STAG1: variants seen among roughly 807,000 people sequenced by gnomAD.
STAG1 encodes cohesin subunit SA-1.
STAG1 carries 26 observed loss-of-function variants against 170.9 expected under a neutral mutation model. That is an observed-to-expected ratio of 0.15 (90% CI 0.11 to 0.21). The LOEUF (loss-of-function observed/expected upper bound fraction) is 0.21, where lower values mean the gene tolerates loss of function less well. STAG1 is among the 10% of genes least tolerant of loss of function. The pLI is 1.00. For missense variants in STAG1, 964 were observed against 1,509.5 expected, an observed-to-expected ratio of 0.64 and a Z score of 5.99; for synonymous variants, 514 against 497.7, an observed-to-expected ratio of 1.03 and a Z score of -0.44.
At chr3:136,659,696 A>G (rs1941511892) in intron 1 of STAG1, among the ~76,000 whole-genome samples, 1 of 152,232 alleles carries the variant, frequency 6.6e-6, no homozygotes, top group Non-Finnish European at 1.5e-5. Context: ...GAAGTCTATA[A>G]TTAATGACAG....
intron 13 of STAG1, among the ~76,000 whole-genome samples, chr3:136,457,155 G>T (rs1055282768): frequency 1.3e-5 from 2 of 152,102 alleles, no homozygotes; most frequent in Non-Finnish European, 2.9e-5. Context: ...GAACAGCAAA[G>T]TCTGTGCCAA....
At chr3:136,712,536 A>G (rs1943413234) in intron 1 of STAG1, among the ~76,000 whole-genome samples, 1 of 152,218 alleles carries the variant, frequency 6.6e-6, no homozygotes, top group Admixed American at 6.5e-5. Flanking sequence ...AATGGTCAGC[A>G]CTGAGATGCT....
chr3:136,435,243 A>T (rs977591149), intron 15 of STAG1, among the ~76,000 whole-genome samples: 1 of 152,254 alleles, frequency 6.6e-6, no homozygotes, highest in Non-Finnish European at 1.5e-5. Flanking sequence ...AAGCACGATC[A>T]TAAGTGGCTT....
At chr3:136,523,867 CTTGT>C (rs1934835955) in intron 6 of STAG1, among the ~76,000 whole-genome samples, 1 of 152,052 alleles carries the variant, frequency 6.6e-6, no homozygotes, top group African/African-American at 2.4e-5. Flanking sequence ...TTCCCCATTG[CTTGT>C]TTTTCTCAGG....
In STAG1 at chr3:136,605,038, G is replaced by C. The variant is rs1938867755; in HGVS notation, c.133-565C>G. ...TTGCCCCTTCTTGACATTTCCTTCT[G>C]CATACATTCATTGATACTCTCCTAC... On this transcript the variant is annotated intron_variant, in intron 3 of 33. Transcript: ENST00000383202. Among the ~76,000 whole-genome samples the C allele has an allele frequency of 2.0e-5, 3 of 152,004 alleles. No individual in the cohort carries two copies. In the South Asian group the frequency reaches 6.2e-4, roughly 31 times the overall value.
At chr3:136,747,210 T>A (rs946823792) in intron 1 of STAG1, among the ~76,000 whole-genome samples, 1 of 149,674 alleles carries the variant, frequency 6.7e-6, no homozygotes, top group African/African-American at 2.5e-5. Context: ...GAAGCGAAGG[T>A]TGCAGTAAGC....
At chr3:136,683,585 A>T (rs934440989) in intron 1 of STAG1, among the ~76,000 whole-genome samples, 7 of 151,840 alleles carry the variant, frequency 4.6e-5, no homozygotes, top group African/African-American at 1.2e-4. Flanking sequence ...TTTTTTTTTT[A>T]AACTACAGAT....
chr3:136,564,684 T>G (rs902813665), intron 5 of STAG1, among the ~76,000 whole-genome samples: 1 of 151,992 alleles, frequency 6.6e-6, no homozygotes, highest in Non-Finnish European at 1.5e-5. Context: ...TTGTCAAATG[T>G]CTTTTCAGGA....
At chr3:136,717,471 C>G (rs546778485) in intron 1 of STAG1, among the ~76,000 whole-genome samples, 1 of 152,248 alleles carries the variant, frequency 6.6e-6, no homozygotes, top group East Asian at 1.9e-4. Flanking sequence ...TGAGACCAGC[C>G]TGGCCAACAT....
intron 6 of STAG1, among the ~76,000 whole-genome samples, chr3:136,522,985 TG>T (rs1934767033): frequency 6.6e-6 from 1 of 152,212 alleles, no homozygotes; most frequent in South Asian, 2.1e-4. Flanking sequence ...ACATGTGGGT[TG>T]GTTCTAAGTC....
intron 14 of STAG1, among the ~76,000 whole-genome samples, chr3:136,448,331 GAA>G (rs2088843208): frequency 6.6e-6 from 1 of 152,156 alleles, no homozygotes; most frequent in South Asian, 2.1e-4. Context: ...ATTTATAAGG[GAA>G]AGAGATTTAA....
chr3:136,438,016 C>T (rs2088507484), intron 15 of STAG1, among the ~76,000 whole-genome samples: 1 of 152,108 alleles, frequency 6.6e-6, no homozygotes, highest in African/African-American at 2.4e-5. Flanking sequence ...CATCTTATTA[C>T]ATTTAGGATG....
intron 1 of STAG1, among the ~76,000 whole-genome samples, chr3:136,656,077 T>C (rs2107860349): frequency 6.6e-6 from 1 of 152,244 alleles, no homozygotes; most frequent in Admixed American, 6.5e-5. Context: ...GGAGTATTAT[T>C]CAGCCTTAAA....
At chr3:136,739,165 G>GTTCA (rs1347564365) in intron 1 of STAG1, among the ~76,000 whole-genome samples, 4 of 152,150 alleles carry the variant, frequency 2.6e-5, no homozygotes. Flanking sequence ...AACAGCCTAA[G>GTTCA]TTCAAATTCT....
chr3:136,459,476 G>A (rs2089215639), intron 13 of STAG1, among the ~76,000 whole-genome samples: 1 of 152,064 alleles, frequency 6.6e-6, no homozygotes, highest in South Asian at 2.1e-4. Flanking sequence ...AAGAATCAAT[G>A]TTTCCAAAGA....
intron 4 of STAG1, among the ~76,000 whole-genome samples, chr3:136,601,485 G>T (rs1043438455): frequency 1.3e-5 from 2 of 152,096 alleles, no homozygotes; most frequent in East Asian, 3.9e-4. Context: ...CCTGACTACT[G>T]ATCATTATCT....
intron 4 of STAG1, among the ~76,000 whole-genome samples, chr3:136,596,982 CA>C (rs1938454354): frequency 6.6e-6 from 1 of 152,048 alleles, no homozygotes; most frequent in Admixed American, 6.6e-5. Flanking sequence ...GGCTGAGGCA[CA>C]AGAATCACTT....
chr3:136,368,572 G>A (rs1159571045), intron 24 of STAG1, among the ~76,000 whole-genome samples: 1 of 152,064 alleles, frequency 6.6e-6, no homozygotes, highest in Non-Finnish European at 1.5e-5. Flanking sequence ...TGTACATGTG[G>A]CAAATGACAA....
chr3:136,509,227 C>T (rs561755707), intron 7 of STAG1, among the ~76,000 whole-genome samples: 2 of 152,272 alleles, frequency 1.3e-5, no homozygotes, highest in East Asian at 1.9e-4. Flanking sequence ...GATTCTCTTT[C>T]GACTATCCCG....
Sources: gnomAD v4.1 joint callset for allele counts (sites outside exome capture counted in the v4.1 genomes callset) on GRCh38, gnomAD v4.1.1 for gene constraint, MANE v1.5 for transcripts, NCBI Gene and HGNC (gene_info 2026-07-23, HGNC 2026-07-21) for gene names.